The following SOCS5 variants were observed in gnomAD, a reference collection of about 807,000 sequenced individuals.
SOCS5 encodes the protein CIS-6.
Under a neutral mutation model 42.8 loss-of-function variants are expected in SOCS5, and 32 were observed. That is an observed-to-expected ratio of 0.75 (90% CI 0.56 to 1.01). The LOEUF (loss-of-function observed/expected upper bound fraction) is 1.01, where lower values mean the gene tolerates loss of function less well. Ranked by LOEUF, SOCS5 falls within the 50% of genes least tolerant of loss-of-function variation. The pLI, the probability that SOCS5 is intolerant of heterozygous loss-of-function variation, is 0.00. For synonymous variants in SOCS5, 283 were observed against 229.6 expected, an observed-to-expected ratio of 1.23 and a Z score of -2.10; for missense variants, 627 against 653.0, an observed-to-expected ratio of 0.96 and a Z score of 0.43.
At chr2:46,751,124 CTATAAAAT>C (rs1257937297) in intron 1 of SOCS5, among the ~76,000 whole-genome samples, 5 of 152,036 alleles carry the variant, frequency 3.3e-5, no homozygotes, top group Non-Finnish European at 7.4e-5. Context: ...GTTTCTACAT[CTATAAAAT>C]TAAGATAATT....
chr2:46,724,017 A>G (rs1191074141), intron 1 of SOCS5, among the ~76,000 whole-genome samples: 2 of 152,004 alleles, frequency 1.3e-5, no homozygotes, highest in Admixed American at 6.5e-5. Context: ...TTTCAGAGCT[A>G]TTATGATTGG....
intron 1 of SOCS5, among the ~76,000 whole-genome samples, chr2:46,757,720 AGCCGGGCGTGGTGGTACAC>A (rs986869231): frequency 6.6e-6 from 1 of 152,136 alleles, no homozygotes; most frequent in Non-Finnish European, 1.5e-5. Flanking sequence ...TACAAAAATT[AGCCGGGCGTGGTGGTACAC>A]GCCTGTAATC....
At chr2:46,722,606 G>A (rs1354345315) in intron 1 of SOCS5, among the ~76,000 whole-genome samples, 2 of 152,110 alleles carry the variant, frequency 1.3e-5, no homozygotes, top group Non-Finnish European at 2.9e-5. Flanking sequence ...GTTATTTCCA[G>A]TTTGGAGCAA....
intron 1 of SOCS5, among the ~76,000 whole-genome samples, chr2:46,742,817 C>A (rs1202995994): frequency 6.6e-6 from 1 of 151,996 alleles, no homozygotes; most frequent in Admixed American, 6.6e-5. Context: ...AGGCACATAC[C>A]ACTATACCTG....
chr2:46,720,316 T>C (rs1672850891), intron 1 of SOCS5, among the ~76,000 whole-genome samples: 1 of 152,206 alleles, frequency 6.6e-6, no homozygotes, highest in Non-Finnish European at 1.5e-5. Context: ...TGCTGGGAAC[T>C]GTACTGCTCT....
At chr2:46,754,328 A>AT (rs1558413252) in intron 1 of SOCS5, among the ~76,000 whole-genome samples, 1 of 152,078 alleles carries the variant, frequency 6.6e-6, no homozygotes, top group Non-Finnish European at 1.5e-5. Flanking sequence ...TCTTTACAAT[A>AT]TTTTTTCCAT....
At chr2:46,717,425 A>T (rs1338421309) in intron 1 of SOCS5, among the ~76,000 whole-genome samples, 1 of 152,146 alleles carries the variant, frequency 6.6e-6, no homozygotes. Context: ...TAACTGCAGG[A>T]CAATTCTAGA....
rs901504158 is a variant in SOCS5, at chr2:46,734,387, A to G, written c.-12-24132A>G. On this transcript the variant is annotated intron_variant, in intron 1 of 1. Coordinates refer to ENST00000394861, the MANE Select transcript of SOCS5 (RefSeq NM_144949.3). ...CTGTTCAGCTATCACTTACTAACCTATGACAGCCATTTGTGAAAGGAAACC... is the reference window on the plus strand; with the variant it reads ...CTGTTCAGCTATCACTTACTAACCTGTGACAGCCATTTGTGAAAGGAAACC... 2.6e-5 allele frequency among the ~76,000 whole-genome samples: 4 copies of G among 152,180 alleles called. 1 individual carries two copies. Among genetic ancestry groups the G allele is most frequent in the Admixed American group, 2.0e-4 (3 of 15,288 alleles).
In SOCS5 at chr2:46,716,146, A is replaced by G. The variant is rs900275240; in HGVS notation, c.-13+16697A>G. Among the ~76,000 whole-genome samples, 6 of 144,846 alleles carry G rather than the reference A, an allele frequency of 4.1e-5. No homozygotes were observed. In the Admixed American group the frequency reaches 4.2e-4, roughly 10 times the overall value. On this transcript the variant is annotated intron_variant, in intron 1 of 1. Transcript: ENST00000394861. ...TTTTTAGTTCTAGAAGTTCTCTTAC[A>G]CATGTTTGGTTTCCACTTCTCTATG... is the stretch of plus-strand genomic sequence containing the variant.
chr2:46,737,568 G>A (rs1673280828), intron 1 of SOCS5, among the ~76,000 whole-genome samples: 1 of 152,116 alleles, frequency 6.6e-6, no homozygotes, highest in African/African-American at 2.4e-5. Flanking sequence ...CTGATTTGGG[G>A]TCTGTATTCT....
intron 1 of SOCS5, among the ~76,000 whole-genome samples, chr2:46,749,693 C>T (rs866505542): frequency 6.6e-6 from 1 of 152,052 alleles, no homozygotes; most frequent in Non-Finnish European, 1.5e-5. Flanking sequence ...GGACTGTGTT[C>T]CCGGACCTTA....
intron 1 of SOCS5, among the ~76,000 whole-genome samples, chr2:46,733,407 T>C (rs1296480172): frequency 6.6e-6 from 1 of 151,980 alleles, no homozygotes; most frequent in African/African-American, 2.4e-5. Context: ...TCCCAGATTA[T>C]TTTATAATAA....
chr2:46,704,691 T>C (rs1331239428), intron 1 of SOCS5, among the ~76,000 whole-genome samples: 1 of 152,212 alleles, frequency 6.6e-6, no homozygotes, highest in East Asian at 1.9e-4. Context: ...AGAATATCTT[T>C]TGTTGAAGTA....
upstream of SOCS5, chr2:46,699,283 T>A (rs111677684): frequency 2.0e-5 from 3 of 151,506 alleles, no homozygotes; most frequent in Non-Finnish European, 2.9e-5. This position sits in a 1 kb window ranked among gnomAD's most constrained non-coding sequence, Gnocchi z 4.8. Flanking sequence ...GGAGCTGGGG[T>A]CCCCGGGCTC....
intron 1 of SOCS5, among the ~76,000 whole-genome samples, chr2:46,741,468 C>G (rs768031276): frequency 3.9e-5 from 6 of 151,942 alleles, no homozygotes; most frequent in Non-Finnish European, 7.4e-5. Context: ...GCACCTGGCC[C>G]CAAGATCTAC....
intron 1 of SOCS5, among the ~76,000 whole-genome samples, chr2:46,704,543 T>C (rs1672418549): frequency 6.6e-6 from 1 of 152,190 alleles, no homozygotes; most frequent in South Asian, 2.1e-4. Flanking sequence ...GTGTAAATCC[T>C]GAATACCACA....
chr2:46,754,688 C>G (rs1353940463), intron 1 of SOCS5, among the ~76,000 whole-genome samples: 2 of 151,976 alleles, frequency 1.3e-5, no homozygotes, highest in African/African-American at 4.8e-5. Context: ...ATTTTTTACC[C>G]ACAAAATAGC....
intron 1 of SOCS5, among the ~76,000 whole-genome samples, chr2:46,709,130 C>T (rs975221722): frequency 2.6e-5 from 4 of 152,068 alleles, no homozygotes; most frequent in East Asian, 1.9e-4. Flanking sequence ...GCGATCCGCC[C>T]GCCTTGGCCT....
Position 46,758,946 on chromosome 2 carries a change from A to T in SOCS5, c.416A>T (p.Asp139Val). Residue 139 changes from aspartate to valine, a missense_variant, in exon 2 of 2, where the codon GAT (aspartate) becomes GTT (valine). Physicochemically the swap from Asp to Val is radical, Grantham distance 152. This residue lies in a region of SOCS5 where 278 missense variants were observed against 246.3 expected (regional missense o/e 1.13). Transcript: ENST00000394861. ...STKTQSSLDA[D>V]KKFGRTRSGL... ...AAGACCCAGAGTTCATTGGATGCTGATAAAAAGTTTGGTAGAACTCGAAGT... is the reference window on the plus strand; with the variant it reads ...AAGACCCAGAGTTCATTGGATGCTGTTAAAAAGTTTGGTAGAACTCGAAGT... 6.2e-7 allele frequency: 1 copy of T among 1,614,004 alleles called. No homozygotes were observed. The highest frequency in any genetic ancestry group is 8.5e-7 in the Non-Finnish European group (1 of 1,179,856).
Sources: gnomAD v4.1 joint callset for allele counts (sites outside exome capture counted in the v4.1 genomes callset) on GRCh38, gnomAD v4.1.1 for gene constraint, gnomAD v4.1.1 regional missense constraint, Gnocchi (gnomAD v3.1) non-coding constraint, MANE v1.5 for transcripts, NCBI Gene and HGNC (gene_info 2026-07-23, HGNC 2026-07-21) for gene names.